Variants in MAST4 observed in about 807,000 individuals in gnomAD.
MAST4 encodes microtubule associated serine/threonine kinase family member 4, also known as microtubule-associated serine/threonine-protein kinase 4.
In MAST4, 89 loss-of-function variants were observed where a neutral mutation model predicts 162.7. The observed-to-expected ratio is 0.55, with a 90% confidence interval of 0.46 to 0.65. The LOEUF is 0.65. Among genes scored for constraint, MAST4 ranks in the 30% least tolerant of loss-of-function variants. MAST4 has a pLI of 0.00. For synonymous variants in MAST4, 1,479 were observed against 1,361.1 expected (o/e 1.09, Z -1.91); for missense variants, 3,153 against 3,374.0 (o/e 0.93, Z 1.62).
intron 3 of MAST4, among the ~76,000 whole-genome samples, chr5:66,833,838 T>C (rs1049925033): frequency 6.6e-6 from 1 of 152,238 alleles, no homozygotes; most frequent in Non-Finnish European, 1.5e-5. Flanking sequence ...ACTGAAACTA[T>C]AAAACCATTG....
At chr5:67,085,996 AG>A (rs1325446724) in intron 5 of MAST4, among the ~76,000 whole-genome samples, 1 of 152,142 alleles carries the variant, frequency 6.6e-6, no homozygotes, top group Non-Finnish European at 1.5e-5. Context: ...GATTCTGTGA[AG>A]TTTGGTTTCA....
chr5:67,096,215 G>A (rs1764454262), intron 7 of MAST4, among the ~76,000 whole-genome samples: 1 of 152,096 alleles, frequency 6.6e-6, no homozygotes, highest in South Asian at 2.1e-4. Context: ...AAGACATAGT[G>A]GAATTATGAA....
Position 66,724,300 on chromosome 5 carries a change from G to A in MAST4, c.364-35409G>A, listed in dbSNP as rs184443064. On this transcript the variant is annotated intron_variant, in intron 1 of 28. Transcript: ENST00000403625. Reference sequence around the variant, plus strand: ...AAGGTGTGGAGCACAGAGGAATACAGGGCATGATTTTGTGTATTGACCTGT... The same window carrying A: ...AAGGTGTGGAGCACAGAGGAATACAAGGCATGATTTTGTGTATTGACCTGT... 7.9e-5 allele frequency among the ~76,000 whole-genome samples: 12 copies of A among 152,250 alleles called. No homozygotes were observed. In the East Asian group the frequency reaches 1.7e-3, roughly 22 times the overall value.
chr5:67,100,284 A>G (rs906152734), intron 7 of MAST4, 151 bp from the exon 8 acceptor site: 4 of 693,814 alleles, frequency 5.8e-6, no homozygotes, highest in Non-Finnish European at 9.3e-6. Context: ...ACATCAAGTT[A>G]TACATTTAGG....
intron 3 of MAST4, among the ~76,000 whole-genome samples, chr5:66,870,243 G>A (rs1760830477): frequency 6.6e-6 from 1 of 152,166 alleles, no homozygotes; most frequent in African/African-American, 2.4e-5. Context: ...GTTTTTGGTG[G>A]CTGTCAGACA....
chr5:66,901,406 C>T (rs1763003030), intron 4 of MAST4, among the ~76,000 whole-genome samples: 2 of 123,540 alleles, frequency 1.6e-5, no homozygotes, highest in Admixed American at 1.6e-4. Context: ...AGGGTAATTT[C>T]CTCTTTTGCA....
intron 5 of MAST4, among the ~76,000 whole-genome samples, chr5:67,076,154 C>G (rs34694329): frequency 0.2 from 30,537 of 152,130 alleles, 3,119 homozygotes; most frequent in Middle Eastern, 0.26. Flanking sequence ...GAACCATTTC[C>G]AATTTCTTGA....
intron 4 of MAST4, among the ~76,000 whole-genome samples, chr5:67,035,376 A>G (rs1312251922): frequency 6.6e-6 from 1 of 152,152 alleles, no homozygotes; most frequent in Non-Finnish European, 1.5e-5. Context: ...AAAATGGCAT[A>G]CAGTATATTG....
chr5:66,874,161 C>T (rs1761134465), intron 3 of MAST4, among the ~76,000 whole-genome samples: 2 of 152,148 alleles, frequency 1.3e-5, no homozygotes, highest in African/African-American at 4.8e-5. Context: ...TCTAAAGTGC[C>T]TTTCACTTTG....
rs1773537243 is a variant in MAST4, at chr5:67,163,895, A to G, written c.4716A>G (p.Arg1572=). ...ENFALFKLEE[R]EKKVYPKAVE... is the part of the protein sequence containing the mutation. ...TTGCTCTGTTTAAGCTGGAAGAGAG[A>G]GAGAAGAAAGTCTATCCGAAGGCTG... The change falls in exon 29 of 29, where the codon AGA becomes AGG. Residue 1572 remains arginine (R), a synonymous_variant. Coordinates refer to ENST00000403625, the MANE Select transcript of MAST4 (RefSeq NM_001164664.2). This position sits in a 1 kb window ranked among gnomAD's most constrained non-coding sequence, Gnocchi z 7.0. The G allele has an allele frequency of 6.2e-7, 1 of 1,614,004 alleles. No homozygotes were observed. The highest frequency in any genetic ancestry group is 8.5e-7 in the Non-Finnish European group (1 of 1,179,880).
At position 67,166,318 on chromosome 5, in the gene MAST4, C is replaced by T; in HGVS notation, c.7139C>T (p.Ala2380Val). The T allele has an allele frequency of 1.9e-6, 3 of 1,586,822 alleles. No homozygotes were observed. The highest frequency in any genetic ancestry group is 2.3e-5 in the East Asian group (1 of 43,732). The change falls in exon 29 of 29, where the codon GCT becomes GTT. Residue 2380 changes from alanine to valine, a missense_variant. Physicochemically the swap from Ala to Val is moderately conservative, Grantham distance 64. This residue lies in a region of MAST4 where 1,644 missense variants were observed against 1,495.0 expected (regional missense o/e 1.10). Transcript: ENST00000403625. ...AAGAAATGCACTGAAGCACTTTATG[C>T]TCCAGCAGAGGGCGACAAGCTCGAG... ...EGKKCTEALY[A>V]PAEGDKLEAG... is the part of the protein sequence containing the mutation.
intron 26 of MAST4, among the ~76,000 whole-genome samples, chr5:67,157,120 C>T (rs1581752685): frequency 6.6e-6 from 1 of 152,170 alleles, no homozygotes; most frequent in East Asian, 1.9e-4. Flanking sequence ...CCTAGTAAGC[C>T]ACCTTGAGCA....
chr5:66,818,586 A>G (rs1333327604), intron 3 of MAST4, among the ~76,000 whole-genome samples: 2 of 151,868 alleles, frequency 1.3e-5, no homozygotes, highest in Admixed American at 6.6e-5. Context: ...CCTTGGTCTG[A>G]TCTTCACTTA....
intron 4 of MAST4, among the ~76,000 whole-genome samples, chr5:67,035,870 A>AT (rs1180321556): frequency 6.6e-6 from 1 of 152,156 alleles, no homozygotes; most frequent in Non-Finnish European, 1.5e-5. Flanking sequence ...TAGGGTACTT[A>AT]TAACACCTAA....
At chr5:66,945,281 T>C (rs553943593) in intron 4 of MAST4, among the ~76,000 whole-genome samples, 1 of 152,270 alleles carries the variant, frequency 6.6e-6, no homozygotes, top group East Asian at 1.9e-4. Context: ...AGTGAGAGTC[T>C]GGTTTTTAGT....
At chr5:66,788,607 C>CCAAAAAAAAAA in intron 2 of MAST4, 63 bp from the exon 3 acceptor site, 9 of 1,373,696 alleles carry the variant, frequency 6.6e-6, no homozygotes, top group South Asian at 1.2e-5. Flanking sequence ...CCCCCACCCC[C>CCAAAAAAAAAA]ATTGCAATAA....
chr5:66,707,031 G>GT (rs1383174199), intron 1 of MAST4, among the ~76,000 whole-genome samples: 1 of 123,548 alleles, frequency 8.1e-6, no homozygotes, highest in African/African-American at 2.7e-5. Context: ...CTTTGTGGTG[G>GT]TCTTGGACAT....
intron 4 of MAST4, among the ~76,000 whole-genome samples, chr5:66,962,273 ATTCT>A (rs1161041380): frequency 6.6e-6 from 1 of 152,222 alleles, no homozygotes; most frequent in Non-Finnish European, 1.5e-5. Context: ...GCAAAATAAC[ATTCT>A]TTAAGAAACT....
At chr5:67,082,933 G>A (rs1445044108) in intron 5 of MAST4, among the ~76,000 whole-genome samples, 2 of 152,270 alleles carry the variant, frequency 1.3e-5, no homozygotes, top group Non-Finnish European at 2.9e-5. Context: ...CACCAAAAAG[G>A]GAGGTTGGGA....
Sources: gnomAD v4.1 joint callset for allele counts (sites outside exome capture counted in the v4.1 genomes callset) on GRCh38, gnomAD v4.1.1 for gene constraint, gnomAD v4.1.1 regional missense constraint, Gnocchi (gnomAD v3.1) non-coding constraint, MANE v1.5 for transcripts, NCBI Gene and HGNC (gene_info 2026-07-23, HGNC 2026-07-21) for gene names.